The following MICAL2 variants were observed in gnomAD, a reference collection of about 807,000 sequenced individuals.
MICAL2 encodes [F-actin]-monooxygenase MICAL2.
MICAL2 carries 77 observed loss-of-function variants against 127.3 expected under a neutral mutation model. The observed-to-expected ratio is 0.60, with a 90% confidence interval of 0.50 to 0.73. The LOEUF (loss-of-function observed/expected upper bound fraction) is 0.73. Ranked by LOEUF, MICAL2 falls within the 30% of genes least tolerant of loss-of-function variation. MICAL2 has a pLI of 0.00. For synonymous variants in MICAL2, 570 were observed against 551.1 expected (o/e 1.03, Z -0.48); for missense variants, 1,351 against 1,434.4 (o/e 0.94, Z 0.94).
intron 24 of MICAL2, among the ~76,000 whole-genome samples, chr11:12,270,734 CAG>C (rs536598116): frequency 4.6e-5 from 7 of 152,322 alleles, no homozygotes; most frequent in Admixed American, 2.0e-4. Context: ...GGACAGTGGC[CAG>C]AGATGGCTCT....
chr11:12,199,828 C>G (rs1860451865), intron 3 of MICAL2, among the ~76,000 whole-genome samples: 1 of 152,190 alleles, frequency 6.6e-6, no homozygotes. Context: ...CACCGCCGAG[C>G]TTATCTATAC....
intron 32 of MICAL2, among the ~76,000 whole-genome samples, chr11:12,340,590 T>C (rs1234628319): frequency 6.6e-6 from 1 of 152,166 alleles, no homozygotes; most frequent in Non-Finnish European, 1.5e-5. Context: ...ACAAGAATGC[T>C]CATAACAGCA....
At chr11:12,261,760 C>A (rs544995378) in intron 26 of MICAL2, 4 of 985,454 alleles carry the variant, frequency 4.1e-6, no homozygotes, top group South Asian at 4.7e-5. Flanking sequence ...CCGTGGCCAA[C>A]TCTGTGGGAA....
chr11:12,323,076 C>T (rs1222053883), intron 30 of MICAL2, among the ~76,000 whole-genome samples: 2 of 152,182 alleles, frequency 1.3e-5, no homozygotes, highest in Non-Finnish European at 2.9e-5. Flanking sequence ...TTAGTCTCTG[C>T]TATTTCTCCC....
intron 26 of MICAL2, chr11:12,261,414 A>G: frequency 1.0e-6 from 1 of 985,484 alleles, no homozygotes; most frequent in Non-Finnish European, 1.2e-6. Context: ...ATGCAGGTCC[A>G]CCTGTGTTCT....
chr11:12,242,457 CTCTGTCCGTG>C (rs1237096190), intron 19 of MICAL2, 25 bp downstream of exon 19: 4 of 1,582,994 alleles, frequency 2.5e-6, no homozygotes, highest in Non-Finnish European at 3.4e-6. Context: ...TTTTGCCCGT[CTCTGTCCGTG>C]TCTGGGTGAC....
chr11:12,162,346 C>G lies in MICAL2; in HGVS notation c.191C>G (p.Ala64Gly), dbSNP rs755371881. The G allele has an allele frequency of 9.9e-6, 16 of 1,614,238 alleles. No individual in the cohort carries two copies. The highest frequency in any genetic ancestry group is 1.4e-5 in the Non-Finnish European group (16 of 1,180,054). ...AAGGTGACCACCTGGAAAGCCAAAG[C>G]CCTGTGGTACAAATTGGATAAGCGT... is the stretch of plus-strand genomic sequence containing the variant. ...KSKVTTWKAK[A>G]LWYKLDKRGS... The change falls in exon 3 of 28, where the codon GCC becomes GGC. Residue 64 changes from alanine to glycine, a missense_variant. Ala to Gly is a moderately conservative substitution (Grantham distance 60). Coordinates refer to ENST00000683283, the MANE Select transcript of MICAL2 (RefSeq NM_001282663.2).
At chr11:12,294,809 C>T (rs763779357), downstream of MICAL2, 1 of 1,482,528 alleles carries the variant, frequency 6.7e-7, no homozygotes. Context: ...TCCTCCTCCT[C>T]CTCCTCCTCC....
At chr11:12,216,647 A>G (rs1055435938) in intron 8 of MICAL2, among the ~76,000 whole-genome samples, 8 of 152,136 alleles carry the variant, frequency 5.3e-5, no homozygotes, top group African/African-American at 1.4e-4. Context: ...TTGGAGGCAG[A>G]TGGGGGCTCC....
At chr11:12,326,822 C>G (rs1864358444) in intron 31 of MICAL2, among the ~76,000 whole-genome samples, 2 of 152,176 alleles carry the variant, frequency 1.3e-5, no homozygotes, top group South Asian at 4.1e-4. Flanking sequence ...GGCTGCAGCT[C>G]CAATCATTAT....
At chr11:12,228,758 G>A (rs1370496185) in intron 15 of MICAL2, among the ~76,000 whole-genome samples, 5 of 152,190 alleles carry the variant, frequency 3.3e-5, no homozygotes, top group Non-Finnish European at 5.9e-5. Context: ...AGCCAGGGTC[G>A]GGGCTGAGGA....
intron 3 of MICAL2, among the ~76,000 whole-genome samples, chr11:12,195,263 C>A (rs1352478847): frequency 6.6e-6 from 1 of 152,130 alleles, no homozygotes; most frequent in African/African-American, 2.4e-5. Flanking sequence ...TCTCTAAAAA[C>A]CAAACAAAAC....
chr11:12,198,705 C>A (rs1206731885), intron 3 of MICAL2, among the ~76,000 whole-genome samples: 1 of 152,168 alleles, frequency 6.6e-6, no homozygotes, highest in Non-Finnish European at 1.5e-5. Flanking sequence ...AGGAAGACAG[C>A]ACCATGCATG....
intron 3 of MICAL2, among the ~76,000 whole-genome samples, chr11:12,183,141 C>T (rs969811227): frequency 6.6e-6 from 1 of 151,172 alleles, no homozygotes; most frequent in Non-Finnish European, 1.5e-5. Context: ...TGGCTTAATG[C>T]CTTCATGAAA....
intron 3 of MICAL2, among the ~76,000 whole-genome samples, chr11:12,176,060 T>C (rs890199537): frequency 1.3e-5 from 2 of 152,150 alleles, no homozygotes; most frequent in Non-Finnish European, 2.9e-5. Flanking sequence ...GACTAGGGTC[T>C]CTCCTATCTG....
intron 2 of MICAL2, among the ~76,000 whole-genome samples, chr11:12,139,287 G>A (rs746228722): frequency 1.3e-5 from 2 of 152,208 alleles, no homozygotes; most frequent in Non-Finnish European, 2.9e-5. Flanking sequence ...GTTTACAGGA[G>A]GGTGAAGAAC....
chr11:12,285,453 G>T (rs1863814611), intron 2 of MICAL2, among the ~76,000 whole-genome samples: 1 of 152,212 alleles, frequency 6.6e-6, no homozygotes, highest in African/African-American at 2.4e-5. Context: ...TGGGGAAAGG[G>T]CTGTTATCGT....
At chr11:12,361,523 C>T (rs990128414), downstream of MICAL2, among the ~76,000 whole-genome samples, 7 of 152,128 alleles carry the variant, frequency 4.6e-5, no homozygotes, top group Non-Finnish European at 5.9e-5. Context: ...GCTTCTTGGG[C>T]AGTAAAAATA....
intron 32 of MICAL2, among the ~76,000 whole-genome samples, chr11:12,337,976 G>C (rs1938796040): frequency 6.6e-6 from 1 of 152,170 alleles, no homozygotes; most frequent in Non-Finnish European, 1.5e-5. Flanking sequence ...AGGTCCGCTT[G>C]GTGCAGAGCT....
Sources: gnomAD v4.1 joint callset for allele counts (sites outside exome capture counted in the v4.1 genomes callset) on GRCh38, gnomAD v4.1.1 for gene constraint, MANE v1.5 for transcripts, NCBI Gene and HGNC (gene_info 2026-07-23, HGNC 2026-07-21) for gene names.